Variants in STOX1 observed in about 807,000 individuals in gnomAD.
STOX1 encodes the protein storkhead-box protein 1.
STOX1 carries 57 observed loss-of-function variants against 74.8 expected under a neutral mutation model. The observed-to-expected ratio is 0.76, with a 90% CI of 0.62 to 0.95. The LOEUF is 0.95. Among genes scored for constraint, STOX1 ranks in the 40% least tolerant of loss-of-function variants. The pLI, the probability that STOX1 is intolerant of heterozygous loss-of-function variation, is 0.00. For synonymous variants in STOX1, 375 were observed against 401.3 expected, an observed-to-expected ratio of 0.93 and a Z score of 0.78; for missense variants, 1,010 against 1,117.0, an observed-to-expected ratio of 0.90 and a Z score of 1.37.
At chr10:68,861,625 A>T (rs2133560863) in intron 1 of STOX1, among the ~76,000 whole-genome samples, 1 of 152,232 alleles carries the variant, frequency 6.6e-6, no homozygotes, top group East Asian at 1.9e-4. Context: ...TTTACCCAGG[A>T]GTTGGGATTT....
At position 68,893,049 on chromosome 10, in the gene STOX1, A is replaced by T. The variant is rs1216032774; in HGVS notation, c.*313A>T. The T allele has an allele frequency of 1.2e-5, 3 of 252,550 alleles. No individual in the cohort carries two copies. The highest frequency in any genetic ancestry group is 2.3e-5 in the Non-Finnish European group (3 of 130,684). The allele number at this position is 252,550 out of a possible 1,614,324, so 15.6% of individuals were successfully genotyped here. On this transcript the variant is annotated 3_prime_UTR_variant, in exon 4 of 4. Coordinates refer to ENST00000298596, the MANE Select transcript of STOX1 (RefSeq NM_152709.5). ...ATACATTAGTTTCTCAAATATATAG[A>T]ATGCCAATTTACTTCCTGTAGTGAA...
At position 68,884,595 on chromosome 10, in the gene STOX1, A is replaced by T; in HGVS notation, c.799A>T (p.Lys267Ter). The T allele has an allele frequency of 1.2e-6, 2 of 1,613,864 alleles. No homozygotes were observed. Among genetic ancestry groups the T allele is most frequent in the Non-Finnish European group, 1.7e-6 (2 of 1,180,022 alleles). ...ACCAGTTGCTGCAGAAGTGACTAGGAAGAGTCACAGAGGTCTTGGGGAATC... is the reference window on the plus strand; with the variant it reads ...ACCAGTTGCTGCAGAAGTGACTAGGTAGAGTCACAGAGGTCTTGGGGAATC... The part of the protein sequence containing the change: ...EAPVAAEVTR[K>*]SHRGLGESVS... Residue 267 changes from lysine to a stop codon, truncating the protein, a stop_gained, in exon 3 of 4, where the codon AAG becomes TAG. Transcript: ENST00000298596. LOFTEE classifies it high-confidence loss of function.
At position 68,892,774 on chromosome 10, in the gene STOX1, G is replaced by T. The variant is rs890280557; in HGVS notation, c.*38G>T. The T allele has an allele frequency of 2.5e-6, 4 of 1,594,940 alleles. No individual in the cohort carries two copies. Among genetic ancestry groups the T allele is most frequent in the African/African-American group, 1.3e-5 (1 of 74,332 alleles). Reference sequence around the variant, plus strand: ...AACCTACTTTTTTCTTTATAAAAAGGTAGAGCATTATTACAGAATCTTTCA... The same window carrying T: ...AACCTACTTTTTTCTTTATAAAAAGTTAGAGCATTATTACAGAATCTTTCA... On this transcript the variant is annotated 3_prime_UTR_variant, in exon 4 of 4. Transcript: ENST00000298596.
At chr10:68,852,248 G>GATTTTTTTTTTTTTTTTTTTTTTTT (rs200461358) in intron 1 of STOX1, among the ~76,000 whole-genome samples, 2 of 132,210 alleles carry the variant, frequency 1.5e-5, no homozygotes, top group Non-Finnish European at 1.6e-5. Context: ...TTCTCTTACT[G>GATTTTTTTTTTTTTTTTTTTTTTTT]CTTTTTTTTT....
rs2131999863 is a variant in STOX1 at position 68,886,492 on chromosome 10, A to C, written c.2696A>C (p.Gln899Pro). Residue 899 changes from glutamine (Q) to proline (P), a missense_variant, in exon 3 of 4, where the codon CAA (glutamine) becomes CCA (proline). By Grantham distance (76) the Gln-to-Pro change is moderately conservative. Coordinates refer to ENST00000298596, the MANE Select transcript of STOX1 (RefSeq NM_152709.5). ...QNQEMRKHFP[Q>P]KFQLFNTSHM... ...CAGGAAATGAGAAAACATTTCCCAC[A>C]AAAGTTCCAACTTTTCAACACTTCA... 4.3e-6 allele frequency: 7 copies of C among 1,614,008 alleles called. No homozygotes were observed. The highest frequency in any genetic ancestry group is 5.9e-6 in the Non-Finnish European group (7 of 1,179,948).
Position 68,861,372 on chromosome 10 carries a change from C to T in STOX1, c.311-20586C>T, listed in dbSNP as rs556590173. On this transcript the variant is annotated intron_variant, in intron 1 of 3. Transcript: ENST00000298596. ...ACATGTCCTTAAGGCATAGATCGCT[C>T]ATGCCATTGTTTGTGGTTTAGGAAC... is the stretch of plus-strand genomic sequence containing the variant. Among the ~76,000 whole-genome samples the T allele has an allele frequency of 2.6e-5, 4 of 152,284 alleles. No individual in the cohort carries two copies. In the South Asian group the frequency reaches 8.3e-4, roughly 32 times the overall value.
intron 1 of STOX1, among the ~76,000 whole-genome samples, chr10:68,863,314 G>C (rs958822265): frequency 1.3e-5 from 2 of 152,064 alleles, no homozygotes; most frequent in Admixed American, 6.5e-5. Context: ...CGCTATCATA[G>C]CTATCATTAA....
At chr10:68,879,643 A>G (rs1266152355) in intron 1 of STOX1, among the ~76,000 whole-genome samples, 8 of 151,950 alleles carry the variant, frequency 5.3e-5, no homozygotes, top group East Asian at 1.9e-4. Context: ...ACTGGATCCT[A>G]CTCCTTTCTG....
chr10:68,886,241 T>C lies in STOX1; in HGVS notation c.2445T>C (p.Pro815=). The change falls in exon 3 of 4, where the codon CCT becomes CCC. Residue 815 remains proline (P), a synonymous_variant. Transcript: ENST00000298596. ...LHATPGESQE[P]NLSAESCGLN... is the part of the protein sequence containing the mutation. ...CTACCCCAGGTGAAAGCCAAGAACC[T>C]AACCTCTCTGCTGAAAGTTGTGGCC... 15 of 1,614,220 alleles carry C rather than the reference T, an allele frequency of 9.3e-6. No homozygotes were observed. The highest frequency in any genetic ancestry group is 1.3e-5 in the Non-Finnish European group (15 of 1,180,032).
rs1208881920 is a variant in STOX1, at chr10:68,845,107, A to AT, written c.310+17176dup. 8.7e-5 allele frequency among the ~76,000 whole-genome samples: 13 copies of AT among 149,628 alleles called. No homozygotes were observed. The East Asian group carries it at 1.8e-3, about 20-fold the overall frequency. On this transcript the variant is annotated intron_variant, in intron 1 of 3. Coordinates refer to ENST00000298596, the MANE Select transcript of STOX1 (RefSeq NM_152709.5). ...TTACCAGTGTCTTTTGAATGTTTTA[A>AT]TTCTTTTTTCTTCAAGATGGAGTCT... is the stretch of plus-strand genomic sequence containing the variant.
At chr10:68,842,004 G>A (rs1839702446) in intron 1 of STOX1, among the ~76,000 whole-genome samples, 1 of 152,022 alleles carries the variant, frequency 6.6e-6, no homozygotes, top group African/African-American at 2.4e-5. Context: ...CACCCAGGGA[G>A]GTGTGTGTGT....
At chr10:68,867,230 C>A (rs891721346) in intron 1 of STOX1, among the ~76,000 whole-genome samples, 4 of 152,032 alleles carry the variant, frequency 2.6e-5, no homozygotes, top group African/African-American at 9.7e-5. Context: ...CAGGTGTGAG[C>A]CACCGTGCCT....
chr10:68,893,201 A>G (rs1305294616), downstream of STOX1: 1 of 175,156 alleles, frequency 5.7e-6, no homozygotes, highest in Non-Finnish European at 1.2e-5. Context: ...CTGCTGCAAG[A>G]TATCTATGCA....
chr10:68,894,871 G>A (rs894902219), downstream of STOX1, among the ~76,000 whole-genome samples: 3 of 152,112 alleles, frequency 2.0e-5, no homozygotes, highest in Admixed American at 6.6e-5. Context: ...GACTACAGGC[G>A]TAAGCCACCA....
chr10:68,834,170 C>G (rs1358156315), intron 1 of STOX1, among the ~76,000 whole-genome samples: 4 of 152,210 alleles, frequency 2.6e-5, no homozygotes, highest in Admixed American at 6.5e-5. Context: ...TCCCCCAAAT[C>G]CCTCTGAGCA....
At chr10:68,850,559 C>T (rs949064212) in intron 1 of STOX1, among the ~76,000 whole-genome samples, 1 of 152,202 alleles carries the variant, frequency 6.6e-6, no homozygotes, top group African/African-American at 2.4e-5. Context: ...AAGACAGTGC[C>T]TTCTATTTCC....
chr10:68,827,572 C>G lies in STOX1; in HGVS notation c.-52C>G. On this transcript the variant is annotated 5_prime_UTR_variant, in exon 1 of 4. Transcript: ENST00000298596. ...CCCGCCGAGCGAGCGGCGTCGTAGC[C>G]GCCGCGCTCGCCGAGGCCCTGCGTT... The G allele has an allele frequency of 9.2e-7, 1 of 1,090,132 alleles. No homozygotes were observed. The highest frequency in any genetic ancestry group is 1.1e-6 in the Non-Finnish European group (1 of 892,490). The allele number at this position is 1,090,132 out of a possible 1,614,324, so 67.5% of individuals were successfully genotyped here.
At chr10:68,840,571 TC>T (rs1234014055) in intron 1 of STOX1, among the ~76,000 whole-genome samples, 1 of 152,162 alleles carries the variant, frequency 6.6e-6, no homozygotes, top group African/African-American at 2.4e-5. Context: ...TATTTTTGTT[TC>T]TTTTTTGAGA....
intron 1 of STOX1, among the ~76,000 whole-genome samples, chr10:68,867,111 T>C (rs1000178550): frequency 2.0e-5 from 3 of 151,444 alleles, no homozygotes; most frequent in African/African-American, 4.9e-5. Flanking sequence ...CGCCCAGCTA[T>C]TTTTTTTGTA....
Sources: allele counts gnomAD v4.1 joint callset (sites outside exome capture counted in the v4.1 genomes callset), GRCh38; gene constraint gnomAD v4.1.1; transcripts MANE v1.5; gene names NCBI Gene and HGNC (gene_info 2026-07-23, HGNC 2026-07-21).